TTLL7: variants seen among roughly 807,000 people sequenced by gnomAD.
TTLL7 encodes tubulin tyrosine ligase like 7, also known as tubulin polyglutamylase TTLL7.
TTLL7 carries 53 observed loss-of-function variants against 120.2 expected under a neutral mutation model. That is an observed-to-expected ratio of 0.44 (90% CI 0.35 to 0.55). TTLL7 has a LOEUF of 0.55. TTLL7 is among the 20% of genes least tolerant of loss of function. TTLL7 has a pLI of 0.00. For synonymous variants in TTLL7, 353 were observed against 351.7 expected, an observed-to-expected ratio of 1.00 and a Z score of -0.04; for missense variants, 803 against 1,054.7, an observed-to-expected ratio of 0.76 and a Z score of 3.31.
chr1:83,929,280 C>A, intron 9 of TTLL7, 50 bp from the exon 10 acceptor site: 1 of 1,381,164 alleles, frequency 7.2e-7, no homozygotes, highest in Non-Finnish European at 1.0e-6. Flanking sequence ...ATATTCAATA[C>A]ATATTTGTTA....
chr1:83,936,368 C>A (rs1388037080), intron 8 of TTLL7, among the ~76,000 whole-genome samples: 1 of 151,996 alleles, frequency 6.6e-6, no homozygotes, highest in East Asian at 1.9e-4. Context: ...AAAAAGAATG[C>A]CAGAGGGTAT....
chr1:83,911,081 T>A, intron 15 of TTLL7, 84 bp downstream of exon 15: 1 of 1,151,960 alleles, frequency 8.7e-7, no homozygotes, highest in Non-Finnish European at 1.3e-6. Flanking sequence ...AGGGTTCATT[T>A]GGCCCAAGGA....
chr1:83,867,944 CTTA>C lies in TTLL7; in HGVS notation c.*2015_*2017del, dbSNP rs1341849564. On this transcript the variant is annotated 3_prime_UTR_variant, in exon 21 of 21. Transcript: ENST00000260505. ...CTGTAATTTCCTTCATTCTGATACC[CTTA>C]TTCTCTTCTTCCACAAATAGCAAAT... 1 of 152,084 alleles carries C rather than the reference CTTA, an allele frequency of 6.6e-6. No individual in the cohort carries two copies. The highest frequency in any genetic ancestry group is 1.5e-5 in the Non-Finnish European group (1 of 67,992). The allele number at this position is 152,084 out of a possible 1,614,324, so 9.4% of individuals were successfully genotyped here. A position where few individuals can be genotyped will look rare whatever the true frequency, so the allele number is the denominator to read the frequency against.
intron 15 of TTLL7, among the ~76,000 whole-genome samples, chr1:83,908,430 T>C (rs1657395824): frequency 6.6e-6 from 1 of 152,094 alleles, no homozygotes; most frequent in Admixed American, 6.6e-5. Flanking sequence ...CAGAGAGTAT[T>C]TTAAGTCACA....
rs1309477606 is a variant in TTLL7 at position 83,942,500 on chromosome 1, C to G, written c.686G>C (p.Gly229Ala). 6.2e-7 allele frequency: 1 copy of G among 1,613,926 alleles called. No homozygotes were observed. The highest frequency in any genetic ancestry group is 1.7e-5 in the Admixed American group (1 of 60,008). Reference protein sequence around the residue: ...FLYHDGLVRMGTEKYIPPNES... With the variant: ...FLYHDGLVRMATEKYIPPNES... ...ATTAGGTGGAATGTACTTCTCTGTA[C>G]CCATTCGCACAAGCCCATCATGGTA... The change falls in exon 7 of 21, where the codon GGT becomes GCT. Residue 229 changes from glycine to alanine, a missense_variant. Around this residue, in one of 3 missense-constraint regions of TTLL7, gnomAD observed 324 missense variants for 507.7 expected, o/e 0.64. Coordinates refer to ENST00000260505, the MANE Select transcript of TTLL7 (RefSeq NM_024686.6).
At position 83,933,663 on chromosome 1, in the gene TTLL7, TCAAAG is replaced by T. The variant is rs1160061548; in HGVS notation, c.987_991del (p.Cys329Ter). 1 of 1,613,804 alleles carries T rather than the reference TCAAAG, an allele frequency of 6.2e-7. No homozygotes were observed. The highest frequency in any genetic ancestry group is 1.1e-5 in the South Asian group (1 of 91,068). On this transcript the variant is annotated stop_gained and frameshift_variant, in exon 9 of 21. Transcript: ENST00000260505. LOFTEE classifies it high-confidence loss of function. ...CAACAAAATATCAAATCCCAGGACT[TCAAAG>T]CAGACACTTTCGCTTCCTGGAGGTT...
intron 14 of TTLL7, among the ~76,000 whole-genome samples, chr1:83,915,874 A>G (rs1280580956): frequency 6.6e-6 from 1 of 152,270 alleles, no homozygotes; most frequent in Admixed American, 6.5e-5. Context: ...TATGCAGTCA[A>G]AAGACACATG....
chr1:83,993,188 A>G (rs1235061377), intron 1 of TTLL7, among the ~76,000 whole-genome samples: 5 of 152,214 alleles, frequency 3.3e-5, no homozygotes, highest in Non-Finnish European at 5.9e-5. Flanking sequence ...CTTACAAAAC[A>G]AAAATAGTCC....
At chr1:83,979,765 G>C (rs1413243685) in intron 1 of TTLL7, 1 of 152,168 alleles carries the variant, frequency 6.6e-6, no homozygotes, top group African/African-American at 2.4e-5. Flanking sequence ...ATTTTGCAAA[G>C]GGGCTTCACA....
At chr1:83,927,493 T>C (rs899343050) in intron 10 of TTLL7, among the ~76,000 whole-genome samples, 1 of 151,862 alleles carries the variant, frequency 6.6e-6, no homozygotes, top group Non-Finnish European at 1.5e-5. Context: ...AAATAATCAG[T>C]GAGAATGGGC....
intron 3 of TTLL7, among the ~76,000 whole-genome samples, chr1:83,950,381 CT>C (rs1398199690): frequency 2.6e-5 from 4 of 152,148 alleles, no homozygotes; most frequent in Admixed American, 1.3e-4. Flanking sequence ...AAAATATCCC[CT>C]GATCATCACA....
chr1:83,895,342 T>C (rs1284317265), intron 18 of TTLL7, among the ~76,000 whole-genome samples: 3 of 152,038 alleles, frequency 2.0e-5, no homozygotes, highest in East Asian at 1.9e-4. Context: ...TAAAAAATCA[T>C]TGAGAGAACT....
intron 18 of TTLL7, among the ~76,000 whole-genome samples, chr1:83,896,692 G>C (rs752263677): frequency 1.3e-5 from 2 of 152,012 alleles, no homozygotes; most frequent in Non-Finnish European, 2.9e-5. Context: ...AAAATAAATT[G>C]CTATTTAGAG....
At chr1:83,884,829 T>A (rs905777418) in intron 19 of TTLL7, among the ~76,000 whole-genome samples, 2 of 151,674 alleles carry the variant, frequency 1.3e-5, no homozygotes, top group Non-Finnish European at 2.9e-5. Flanking sequence ...CATGTGTAAC[T>A]AACCTGCACA....
At chr1:83,991,335 T>C (rs1476082904) in intron 1 of TTLL7, among the ~76,000 whole-genome samples, 1 of 152,126 alleles carries the variant, frequency 6.6e-6, no homozygotes, top group African/African-American at 2.4e-5. Context: ...ATGTTTAAGA[T>C]GTTTTTATCA....
chr1:83,902,647 G>C (rs1397850440), intron 18 of TTLL7, among the ~76,000 whole-genome samples: 1 of 151,884 alleles, frequency 6.6e-6, no homozygotes, highest in African/African-American at 2.4e-5. Flanking sequence ...CCATCTCTCT[G>C]ATTTCTACAT....
intron 18 of TTLL7, among the ~76,000 whole-genome samples, chr1:83,899,255 A>G (rs1656502105): frequency 6.6e-6 from 1 of 151,902 alleles, no homozygotes; most frequent in Admixed American, 6.6e-5. Flanking sequence ...CTTTCACTAT[A>G]TATCTGAGAA....
In TTLL7 at chr1:83,956,498, G is replaced by A. The variant is rs1649531785; in HGVS notation, c.-176-4111C>T. Among the ~76,000 whole-genome samples, 8 of 150,216 alleles carry A rather than the reference G, an allele frequency of 5.3e-5. No individual in the cohort carries two copies. The Admixed American group carries it at 5.3e-4, about 10-fold the overall frequency. Reference sequence around the variant, plus strand: ...GCTGGAGTGCAATGGCACAATCTTGGCTCACTGCAACCTCCGCCTCCCGGG... The same window carrying A: ...GCTGGAGTGCAATGGCACAATCTTGACTCACTGCAACCTCCGCCTCCCGGG... On this transcript the variant is annotated intron_variant, in intron 1 of 20. Transcript: ENST00000260505.
At chr1:83,954,362 T>C (rs1649324827) in intron 1 of TTLL7, among the ~76,000 whole-genome samples, 1 of 152,210 alleles carries the variant, frequency 6.6e-6, no homozygotes, top group Non-Finnish European at 1.5e-5. Flanking sequence ...TTTACTTAAT[T>C]CCATTTATGC....
Sources: gnomAD v4.1 joint callset for allele counts (sites outside exome capture counted in the v4.1 genomes callset) on GRCh38, gnomAD v4.1.1 for gene constraint, gnomAD v4.1.1 regional missense constraint, MANE v1.5 for transcripts, NCBI Gene and HGNC (gene_info 2026-07-23, HGNC 2026-07-21) for gene names.